Variants in TAFA2 observed in about 807,000 individuals in gnomAD.
TAFA2 encodes the protein TAFA chemokine like family member 2.
In TAFA2, 7 loss-of-function variants were observed where a neutral mutation model predicts 18.8. The observed-to-expected ratio is 0.37, with a 90% confidence interval of 0.21 to 0.70. The LOEUF is 0.70. TAFA2 is among the 30% of genes least tolerant of loss of function. The pLI is 0.53. For synonymous variants in TAFA2, 60 were observed against 54.2 expected, an observed-to-expected ratio of 1.11 and a Z score of -0.47; for missense variants, 122 against 158.1, an observed-to-expected ratio of 0.77 and a Z score of 1.23.
intron 1 of TAFA2, among the ~76,000 whole-genome samples, chr12:62,158,887 A>T (rs565130400): frequency 6.6e-6 from 1 of 152,352 alleles, no homozygotes; most frequent in East Asian, 1.9e-4. Flanking sequence ...CAGAAAAGGC[A>T]TCAGAAGAGG....
chr12:61,909,268 G>A (rs535207894), intron 1 of TAFA2, among the ~76,000 whole-genome samples: 56 of 152,254 alleles, frequency 3.7e-4, no homozygotes, highest in African/African-American at 1.2e-3. Context: ...TTAAATTTTG[G>A]AGCATCCTAA....
chr12:61,755,962 T>C (rs2120766982), intron 2 of TAFA2, among the ~76,000 whole-genome samples: 1 of 152,214 alleles, frequency 6.6e-6, no homozygotes, highest in Admixed American at 6.5e-5. Context: ...CTTTCAGTAA[T>C]TTTAAAAGTG....
intron 1 of TAFA2, among the ~76,000 whole-genome samples, chr12:62,215,680 G>GAACTTGCTTCTCTTGCTTAAGAGAAAC (rs2062731857): frequency 1.2e-5 from 1 of 80,802 alleles, no homozygotes; most frequent in Non-Finnish European, 2.4e-5. Context: ...TTAAGAGGAA[G>GAACTTGCTTCTCTTGCTTAAGAGAAAC]AACTTGTTTC....
At chr12:61,967,905 C>A (rs768205190) in intron 1 of TAFA2, among the ~76,000 whole-genome samples, 2 of 151,790 alleles carry the variant, frequency 1.3e-5, no homozygotes, top group Non-Finnish European at 2.9e-5. Context: ...AGCAAGGAAG[C>A]ACATAAGCAG....
chr12:61,819,103 T>C (rs896970782), intron 2 of TAFA2, among the ~76,000 whole-genome samples: 1 of 152,172 alleles, frequency 6.6e-6, no homozygotes, highest in Non-Finnish European at 1.5e-5. Context: ...TATCACCTAC[T>C]GTTGATGTTT....
At chr12:62,180,520 A>C (rs1017088439) in intron 1 of TAFA2, among the ~76,000 whole-genome samples, 1 of 152,212 alleles carries the variant, frequency 6.6e-6, no homozygotes, top group Non-Finnish European at 1.5e-5. Flanking sequence ...AAAATATTCA[A>C]CTTTTTTATA....
In TAFA2 at chr12:62,105,854, A is replaced by C. The variant is rs533719643; in HGVS notation, c.-2+85405T>G. On this transcript the variant is annotated intron_variant, in intron 1 of 4. Transcript: ENST00000416284. ...GCAGAGAGTAATGCTTTCTGATGAG[A>C]CCTTTCTTTAGAGGGCAACATCAAA... 9.2e-5 allele frequency among the ~76,000 whole-genome samples: 14 copies of C among 152,306 alleles called. 1 individual carries two copies. Among genetic ancestry groups the C allele is most frequent in the African/African-American group, 3.4e-4 (14 of 41,574 alleles).
chr12:61,895,982 G>T (rs556923128), intron 1 of TAFA2, among the ~76,000 whole-genome samples: 1 of 151,984 alleles, frequency 6.6e-6, no homozygotes, highest in East Asian at 1.9e-4. Context: ...AGGATTTCAT[G>T]AAACTACAAA....
upstream of TAFA2, among the ~76,000 whole-genome samples, chr12:62,194,618 C>A (rs1487867841): frequency 6.6e-6 from 1 of 152,106 alleles, no homozygotes; most frequent in African/African-American, 2.4e-5. Context: ...AAATAATTCC[C>A]AATAATTTTT....
chr12:62,139,025 C>T (rs1223480653), intron 1 of TAFA2, among the ~76,000 whole-genome samples: 3 of 151,904 alleles, frequency 2.0e-5, no homozygotes, highest in African/African-American at 7.3e-5. Context: ...TAAGTGAGGA[C>T]ATCTATGGTT....
At chr12:62,231,542 C>T (rs928189899) in intron 1 of TAFA2, among the ~76,000 whole-genome samples, 6 of 152,114 alleles carry the variant, frequency 3.9e-5, no homozygotes, top group African/African-American at 7.2e-5. Flanking sequence ...GTCTTTTAAT[C>T]AGAGAATTGA....
intron 1 of TAFA2, among the ~76,000 whole-genome samples, chr12:61,991,580 A>T (rs374150852): frequency 6.6e-5 from 10 of 152,304 alleles, no homozygotes; most frequent in African/African-American, 2.2e-4. Flanking sequence ...AGTTAAGTCA[A>T]TTTATCCCTC....
intron 1 of TAFA2, among the ~76,000 whole-genome samples, chr12:62,042,696 A>C (rs1179389955): frequency 6.6e-6 from 1 of 152,082 alleles, no homozygotes; most frequent in Non-Finnish European, 1.5e-5. Flanking sequence ...TTTTTCTGTT[A>C]CTATACATCT....
At chr12:61,729,592 A>G (rs562272686) in intron 4 of TAFA2, among the ~76,000 whole-genome samples, 1 of 151,608 alleles carries the variant, frequency 6.6e-6, no homozygotes, top group South Asian at 2.1e-4. Flanking sequence ...TTTATTTATG[A>G]TATCTATTTC....
At chr12:61,973,830 T>C (rs771493150) in intron 1 of TAFA2, among the ~76,000 whole-genome samples, 1 of 151,736 alleles carries the variant, frequency 6.6e-6, no homozygotes, top group Non-Finnish European at 1.5e-5. Context: ...CTTGGGGAAG[T>C]GAGCAGGGAG....
chr12:62,219,263 G>A (rs1413294084), intron 1 of TAFA2, among the ~76,000 whole-genome samples: 2 of 151,952 alleles, frequency 1.3e-5, no homozygotes, highest in Non-Finnish European at 2.9e-5. Flanking sequence ...TTAAAGTGTA[G>A]AGATGAAAAA....
At chr12:61,841,653 CA>C (rs1055101902) in intron 2 of TAFA2, among the ~76,000 whole-genome samples, 2 of 151,914 alleles carry the variant, frequency 1.3e-5, no homozygotes, top group Non-Finnish European at 2.9e-5. Flanking sequence ...ATACAAATTT[CA>C]GGATTTTTTT....
intron 1 of TAFA2, among the ~76,000 whole-genome samples, chr12:62,131,162 G>C (rs1870667684): frequency 6.6e-6 from 1 of 151,912 alleles, no homozygotes; most frequent in South Asian, 2.1e-4. Flanking sequence ...CAGTTCACTG[G>C]AGTAGCTAGA....
intron 1 of TAFA2, among the ~76,000 whole-genome samples, chr12:61,964,950 T>C (rs551574039): frequency 6.6e-6 from 1 of 152,024 alleles, no homozygotes; most frequent in South Asian, 2.1e-4. Context: ...ATTTGATTTG[T>C]ATTGGAAAGT....
Sources: allele counts gnomAD v4.1 joint callset (sites outside exome capture counted in the v4.1 genomes callset), GRCh38; gene constraint gnomAD v4.1.1; transcripts MANE v1.5; gene names NCBI Gene and HGNC (gene_info 2026-07-23, HGNC 2026-07-21).